MAD1L1: variants seen among roughly 807,000 people sequenced by gnomAD.
MAD1L1 encodes the protein mitotic arrest deficient 1 like 1.
In MAD1L1, 95 loss-of-function variants were observed where a neutral mutation model predicts 96.9. That is an observed-to-expected ratio of 0.98 (90% CI 0.83 to 1.16). The LOEUF (loss-of-function observed/expected upper bound fraction) is 1.16, where lower values mean the gene tolerates loss of function less well. Ranked by LOEUF, MAD1L1 falls within the 50% of genes most tolerant of loss-of-function variation. The pLI is 0.00. For synonymous variants in MAD1L1, 473 were observed against 396.6 expected (o/e 1.19, Z -2.29); for missense variants, 1,007 against 954.4 (o/e 1.06, Z -0.73).
In MAD1L1 at chr7:1,988,035, C is replaced by T. The variant is rs545770830; in HGVS notation, c.1417-7494G>A. Among the ~76,000 whole-genome samples, 9 of 152,320 alleles carry T rather than the reference C, an allele frequency of 5.9e-5. No individual in the cohort carries two copies. In the South Asian group the frequency reaches 6.2e-4, roughly 11 times the overall value. On this transcript the variant is annotated intron_variant, in intron 14 of 18. Coordinates refer to ENST00000265854, the MANE Select transcript of MAD1L1 (RefSeq NM_001013836.2). ...CGAGGACCTGTAGAACACCTACTCA[C>T]ACCCGGGGCAGGCCCATGAGAGGCG...
intron 18 of MAD1L1, among the ~76,000 whole-genome samples, chr7:1,869,942 C>T (rs546211360): frequency 1.3e-5 from 2 of 152,166 alleles, no homozygotes; most frequent in Non-Finnish European, 2.9e-5. Flanking sequence ...CAACAGGCGG[C>T]TGGCTGGAGC....
At chr7:2,161,721 C>A (rs992445572) in intron 10 of MAD1L1, among the ~76,000 whole-genome samples, 6 of 151,460 alleles carry the variant, frequency 4.0e-5, no homozygotes, top group African/African-American at 1.2e-4. Flanking sequence ...CCCGCCGCCC[C>A]GTCTGGGATG....
chr7:2,061,432 G>A (rs1298346633), intron 12 of MAD1L1, among the ~76,000 whole-genome samples: 1 of 152,264 alleles, frequency 6.6e-6, no homozygotes, highest in Non-Finnish European at 1.5e-5. Context: ...AGGAGTCGGT[G>A]TCTAACCGGC....
At position 2,090,350 on chromosome 7, in the gene MAD1L1, C is replaced by T. The variant is rs550995155; in HGVS notation, c.1074-21012G>A. On this transcript the variant is annotated intron_variant, in intron 11 of 18. Transcript: ENST00000265854. ...GGCAAGCGTCCTGAACACTTCAAAACCTCCCAATGATCCTTACCTCAGGGG... is the reference window on the plus strand; with the variant it reads ...GGCAAGCGTCCTGAACACTTCAAAATCTCCCAATGATCCTTACCTCAGGGG... Among the ~76,000 whole-genome samples the T allele has an allele frequency of 2.0e-5, 3 of 151,998 alleles. No homozygotes were observed. The South Asian group carries it at 6.3e-4, about 32-fold the overall frequency.
chr7:2,229,474 G>C (rs958866317), intron 3 of MAD1L1, among the ~76,000 whole-genome samples: 1 of 152,224 alleles, frequency 6.6e-6, no homozygotes, highest in Non-Finnish European at 1.5e-5. Context: ...CTATTTTATA[G>C]AAGAAAACTG....
chr7:1,816,533 TC>T (rs1781815619), intron 18 of MAD1L1, among the ~76,000 whole-genome samples: 2 of 152,026 alleles, frequency 1.3e-5, no homozygotes, highest in African/African-American at 4.8e-5. Flanking sequence ...CCTGGGGGGC[TC>T]CAGCACCTGT....
chr7:1,963,459 G>A (rs73292410), intron 15 of MAD1L1, among the ~76,000 whole-genome samples: 1 of 152,212 alleles, frequency 6.6e-6, no homozygotes, highest in African/African-American at 2.4e-5. Context: ...TGTCAAACAA[G>A]AGCACATGTC....
intron 11 of MAD1L1, among the ~76,000 whole-genome samples, chr7:2,141,951 G>A (rs1467548127): frequency 6.6e-6 from 1 of 152,198 alleles, no homozygotes. Flanking sequence ...GGCCAGGGTC[G>A]CCGGGGCAGC....
At chr7:1,839,050 C>A (rs544748004) in intron 18 of MAD1L1, among the ~76,000 whole-genome samples, 1 of 152,096 alleles carries the variant, frequency 6.6e-6, no homozygotes, top group African/African-American at 2.4e-5. Context: ...CCAACCGCGG[C>A]GGGTCCCACT....
intron 15 of MAD1L1, among the ~76,000 whole-genome samples, chr7:1,971,334 GAC>G (rs972359814): frequency 3.9e-5 from 6 of 152,144 alleles, no homozygotes; most frequent in African/African-American, 1.4e-4. Context: ...GGTCTTTCCA[GAC>G]ACACAGAATT....
Position 1,816,171 on chromosome 7 carries a change from C to T in MAD1L1, c.2056G>A (p.Val686Met), listed in dbSNP as rs373806188. The T allele has an allele frequency of 3.9e-5, 63 of 1,613,456 alleles. No individual in the cohort carries two copies. The highest frequency in any genetic ancestry group is 3.3e-4 in the African/African-American group (25 of 75,014). ...AGGTGCACCTCGATGAGCTCGCCCA[C>T]GGTGTGTGAGAACTCTGTCTCCAGT... ...QLLETEFSHT[V>M]GELIEVHLRR... Residue 686 changes from valine to methionine, a missense_variant, in exon 19 of 19, where the codon GTG becomes ATG. Transcript: ENST00000265854.
chr7:2,168,693 G>T (rs1262004370), intron 10 of MAD1L1, among the ~76,000 whole-genome samples: 1 of 152,282 alleles, frequency 6.6e-6, no homozygotes, highest in Non-Finnish European at 1.5e-5. Context: ...CCGCGAGAAG[G>T]CACAGGACGA....
chr7:1,826,206 C>G (rs1217447749), intron 18 of MAD1L1, among the ~76,000 whole-genome samples: 1 of 152,176 alleles, frequency 6.6e-6, no homozygotes, highest in East Asian at 1.9e-4. Flanking sequence ...GCCAGCCTGC[C>G]TGCTGCACAT....
rs144849112 is a variant in MAD1L1, at chr7:2,168,802, G to A, written c.987-19564C>T. On this transcript the variant is annotated intron_variant, in intron 10 of 18. Transcript: ENST00000265854. ...GAAGAACACAAGCCTGGAGCAGGGG[G>A]CAGACACACGGGGCGTGGGGCCCAG... 3.4e-3 allele frequency among the ~76,000 whole-genome samples: 512 copies of A among 152,364 alleles called. 5 individuals are homozygous for A. The highest frequency in any genetic ancestry group is 0.011 in the African/African-American group (462 of 41,596).
chr7:2,037,742 G>A (rs996087782), intron 12 of MAD1L1, among the ~76,000 whole-genome samples: 2 of 152,084 alleles, frequency 1.3e-5, no homozygotes, highest in African/African-American at 4.8e-5. Context: ...CGCTGCTTGT[G>A]TCTGGCTGCT....
intron 11 of MAD1L1, among the ~76,000 whole-genome samples, chr7:2,091,631 C>T (rs1315802040): frequency 6.6e-6 from 1 of 152,146 alleles, no homozygotes; most frequent in Non-Finnish European, 1.5e-5. Context: ...AAAAAATTAG[C>T]CGGGCTTAGT....
rs374296571 is a variant in MAD1L1 at position 2,100,024 on chromosome 7, C to T, written c.1074-30686G>A. Among the ~76,000 whole-genome samples, 6 of 152,362 alleles carry T rather than the reference C, an allele frequency of 3.9e-5. No homozygotes were observed. The East Asian group carries it at 7.7e-4, about 20-fold the overall frequency. On this transcript the variant is annotated intron_variant, in intron 11 of 18. Coordinates refer to ENST00000265854, the MANE Select transcript of MAD1L1 (RefSeq NM_001013836.2). The stretch of plus-strand genomic sequence containing the variant: ...CAGGTAGAGGTCATTCCTTACACTT[C>T]GCCCCCAGCCACACAAAGCCCAAAA...
At chr7:2,063,200 G>A (rs1460497610) in intron 12 of MAD1L1, among the ~76,000 whole-genome samples, 1 of 152,224 alleles carries the variant, frequency 6.6e-6, no homozygotes, top group Non-Finnish European at 1.5e-5. Flanking sequence ...TGTGTTTCAC[G>A]AGAACAGTGA....
At chr7:1,987,365 C>T (rs376525529) in intron 14 of MAD1L1, among the ~76,000 whole-genome samples, 1 of 152,204 alleles carries the variant, frequency 6.6e-6, no homozygotes, top group East Asian at 1.9e-4. Flanking sequence ...GGCACAGACG[C>T]GGCAATGGCC....
Sources: gnomAD v4.1 joint callset for allele counts (sites outside exome capture counted in the v4.1 genomes callset) on GRCh38, gnomAD v4.1.1 for gene constraint, MANE v1.5 for transcripts, NCBI Gene and HGNC (gene_info 2026-07-23, HGNC 2026-07-21) for gene names.